TYR: variants seen among roughly 807,000 people sequenced by gnomAD.
The protein encoded by TYR is LB24-AB.
Under a neutral mutation model 51.5 loss-of-function variants are expected in TYR, and 58 were observed. The ratio of observed to expected loss-of-function variants is 1.13; its 90% CI spans 0.91 to 1.40. The LOEUF (loss-of-function observed/expected upper bound fraction) is 1.40. Ranked by LOEUF, TYR falls within the 40% of genes most tolerant of loss-of-function variation. TYR has a pLI of 0.00. For missense variants in TYR, 732 were observed against 647.4 expected, an observed-to-expected ratio of 1.13 and a Z score of -1.42; for synonymous variants, 263 against 235.2, an observed-to-expected ratio of 1.12 and a Z score of -1.08.
At chr11:89,228,932 T>C (rs1224362752) in intron 3 of TYR, among the ~76,000 whole-genome samples, 1 of 152,126 alleles carries the variant, frequency 6.6e-6, no homozygotes, top group Non-Finnish European at 1.5e-5. Context: ...CTATGGAGTG[T>C]TCTTTGTCCC....
At chr11:89,229,604 G>T (rs1458595739) in intron 3 of TYR, among the ~76,000 whole-genome samples, 1 of 151,750 alleles carries the variant, frequency 6.6e-6, no homozygotes, top group Non-Finnish European at 1.5e-5. Flanking sequence ...AAAGGAAGAG[G>T]ATATTGTTTC....
At chr11:89,284,698 T>C in intron 3 of TYR, 75 bp from the exon 4 acceptor site, 1 of 1,410,518 alleles carries the variant, frequency 7.1e-7, no homozygotes, top group East Asian at 2.4e-5. Flanking sequence ...TATGCCTTAT[T>C]TTACTTTAAA....
intron 2 of TYR, among the ~76,000 whole-genome samples, chr11:89,214,418 T>C (rs1943805662): frequency 3.3e-5 from 5 of 152,152 alleles, no homozygotes; most frequent in Admixed American, 2.6e-4. Flanking sequence ...ATAGGAACCC[T>C]TTTACACTGC....
intron 3 of TYR, among the ~76,000 whole-genome samples, chr11:89,237,143 A>C (rs1944126599): frequency 6.6e-6 from 1 of 152,150 alleles, no homozygotes; most frequent in Non-Finnish European, 1.5e-5. Flanking sequence ...CACATCAATT[A>C]TCTTTTTATT....
At chr11:89,275,719 A>G (rs1944646233) in intron 3 of TYR, among the ~76,000 whole-genome samples, 1 of 151,852 alleles carries the variant, frequency 6.6e-6, no homozygotes, top group South Asian at 2.1e-4. Flanking sequence ...AAAAAGAAAA[A>G]TAACGTTAAA....
At chr11:89,197,246 T>A (rs1343238640) in intron 2 of TYR, among the ~76,000 whole-genome samples, 2 of 152,104 alleles carry the variant, frequency 1.3e-5, no homozygotes, top group African/African-American at 4.8e-5. Context: ...ACAAGAGATG[T>A]AAGGAGTTTA....
chr11:89,195,243 C>T (rs776957684), intron 2 of TYR, among the ~76,000 whole-genome samples: 1 of 152,150 alleles, frequency 6.6e-6, no homozygotes, highest in Non-Finnish European at 1.5e-5. Context: ...ATGCACTTCC[C>T]ATGGAACAAA....
intron 3 of TYR, among the ~76,000 whole-genome samples, chr11:89,232,151 T>C (rs1055938606): frequency 1.4e-5 from 2 of 143,544 alleles, no homozygotes; most frequent in Non-Finnish European, 3.0e-5. Flanking sequence ...TGTTAATTAG[T>C]TTGAATTAGT....
chr11:89,215,667 A>G (rs1943823340), intron 2 of TYR, among the ~76,000 whole-genome samples: 1 of 152,166 alleles, frequency 6.6e-6, no homozygotes, highest in Non-Finnish European at 1.5e-5. Flanking sequence ...TACAATCATG[A>G]TTGTGTTGCA....
intron 1 of TYR, among the ~76,000 whole-genome samples, chr11:89,188,386 AATC>A (rs1027212032): frequency 2.0e-5 from 3 of 152,060 alleles, no homozygotes; most frequent in African/African-American, 7.2e-5. Context: ...ACAATAAATC[AATC>A]ATTCTATGAG....
At chr11:89,182,531 A>G (rs550953060) in intron 1 of TYR, among the ~76,000 whole-genome samples, 1 of 152,344 alleles carries the variant, frequency 6.6e-6, no homozygotes, top group South Asian at 2.1e-4. Flanking sequence ...GGTGCAACAT[A>G]GCTGAGTGTG....
At chr11:89,231,036 T>TG (rs1944040221) in intron 3 of TYR, among the ~76,000 whole-genome samples, 1 of 151,686 alleles carries the variant, frequency 6.6e-6, no homozygotes, top group East Asian at 1.9e-4. Flanking sequence ...CCATGGGTGG[T>TG]GGCAGACGCA....
At chr11:89,223,244 A>G (rs973766667) in intron 2 of TYR, among the ~76,000 whole-genome samples, 1 of 152,234 alleles carries the variant, frequency 6.6e-6, no homozygotes, top group African/African-American at 2.4e-5. Flanking sequence ...TGAGATTCAA[A>G]TGAGATTATT....
chr11:89,207,482 C>T (rs1190728080), intron 2 of TYR, among the ~76,000 whole-genome samples: 3 of 152,044 alleles, frequency 2.0e-5, no homozygotes, highest in African/African-American at 7.2e-5. Context: ...AATTTTAAAA[C>T]TACCAAAATA....
At chr11:89,206,798 G>A (rs560522982) in intron 2 of TYR, among the ~76,000 whole-genome samples, 2 of 152,016 alleles carry the variant, frequency 1.3e-5, no homozygotes, top group East Asian at 3.9e-4. Context: ...CTACCCCAAT[G>A]GAATCAAACT....
chr11:89,180,194 C>T (rs1005890109), intron 1 of TYR, among the ~76,000 whole-genome samples: 2 of 152,124 alleles, frequency 1.3e-5, no homozygotes, highest in African/African-American at 4.8e-5. Context: ...GCTTTCAGAC[C>T]TCCTACCTTA....
In TYR at chr11:89,191,713, TTGTGTCACTGCATTC is replaced by T. The variant is rs1414729583; in HGVS notation, c.1036+296_1036+310del. Among the ~76,000 whole-genome samples the T allele has an allele frequency of 9.9e-5, 15 of 152,132 alleles. No individual in the cohort carries two copies. The South Asian group carries it at 3.1e-3, about 32-fold the overall frequency. On this transcript the variant is annotated intron_variant, in intron 2 of 4. Transcript: ENST00000263321. ...AGTTTCAGGCTGCAGTGAGCTATGA[TTGTGTCACTGCATTC>T]CAGCCTCGGTAACAAAGTGAGAGAC...
At chr11:89,240,493 AG>A (rs1273247245) in intron 3 of TYR, among the ~76,000 whole-genome samples, 3 of 152,092 alleles carry the variant, frequency 2.0e-5, no homozygotes, top group Non-Finnish European at 4.4e-5. Context: ...TTTAAAAATT[AG>A]TTCTTTTTGT....
intron 3 of TYR, among the ~76,000 whole-genome samples, chr11:89,261,630 C>T (rs976429264): frequency 5.9e-4 from 89 of 152,068 alleles, no homozygotes; most frequent in Middle Eastern, 3.2e-3. Flanking sequence ...TTTAATACCC[C>T]ACTTTCAGTA....
Sources: gnomAD v4.1 joint callset for allele counts (sites outside exome capture counted in the v4.1 genomes callset) on GRCh38, gnomAD v4.1.1 for gene constraint, MANE v1.5 for transcripts, NCBI Gene and HGNC (gene_info 2026-07-23, HGNC 2026-07-21) for gene names.